The following CDK6 variants were observed in gnomAD, a reference collection of about 807,000 sequenced individuals.
The protein encoded by CDK6 is cyclin-dependent kinase 6.
A neutral mutation model predicts 37.1 loss-of-function variants in CDK6; 6 were observed. The ratio of observed to expected loss-of-function variants is 0.16; its 90% CI spans 0.09 to 0.32. The LOEUF is 0.32. CDK6 is among the 10% of genes least tolerant of loss of function. The probability of loss-of-function intolerance (pLI) is 1.00; values close to 1 mark genes in which losing one functional copy is unlikely to be tolerated. For missense variants in CDK6, 224 were observed against 418.9 expected, an observed-to-expected ratio of 0.53 and a Z score of 4.06; for synonymous variants, 160 against 161.3, an observed-to-expected ratio of 0.99 and a Z score of 0.06.
intron 3 of CDK6, among the ~76,000 whole-genome samples, chr7:92,773,991 C>T (rs1562961520): frequency 6.6e-6 from 1 of 152,224 alleles, no homozygotes; most frequent in South Asian, 2.1e-4. Context: ...AAAAGATCTA[C>T]GGGGAAGTTC....
At chr7:92,784,790 A>G (rs969428713) in intron 2 of CDK6, among the ~76,000 whole-genome samples, 6 of 152,196 alleles carry the variant, frequency 3.9e-5, no homozygotes, top group African/African-American at 1.4e-4. Flanking sequence ...TGTCTGATAC[A>G]TAGGTGTTCA....
chr7:92,816,889 C>A (rs891299405), intron 2 of CDK6, among the ~76,000 whole-genome samples: 1 of 151,788 alleles, frequency 6.6e-6, no homozygotes, highest in Non-Finnish European at 1.5e-5. Flanking sequence ...ACATATTCTA[C>A]AGACATTAAA....
chr7:92,671,470 A>G lies in CDK6; in HGVS notation c.603T>C (p.Asp201=), dbSNP rs2116602874. The G allele has an allele frequency of 1.3e-6, 2 of 1,583,804 alleles. No homozygotes were observed. Among genetic ancestry groups the G allele is most frequent in the African/African-American group, 1.4e-5 (1 of 73,228 alleles). The change falls in exon 5 of 8, where the codon GAT becomes GAC. Residue 201 remains aspartate (D), a synonymous_variant. Coordinates refer to ENST00000424848, the MANE Select transcript of CDK6 (RefSeq NM_001145306.2). ...LLQSSYATPV[D]LWSVGCIFAE... The stretch of plus-strand genomic sequence containing the variant: ...CAAATATGCAGCCAACACTCCAGAG[A>G]TCCACGGGGGTGGCGTAGCTGGACT...
At chr7:92,767,811 A>G (rs1048565064) in intron 3 of CDK6, among the ~76,000 whole-genome samples, 2 of 152,082 alleles carry the variant, frequency 1.3e-5, no homozygotes, top group African/African-American at 4.8e-5. Flanking sequence ...TGTGGAGAAA[A>G]TATTTCTTTG....
intron 4 of CDK6, among the ~76,000 whole-genome samples, chr7:92,697,628 C>T (rs1193904804): frequency 6.6e-6 from 1 of 152,150 alleles, no homozygotes; most frequent in African/African-American, 2.4e-5. Flanking sequence ...AGCCCTCTAC[C>T]ACTGCAGAGA....
intron 4 of CDK6, among the ~76,000 whole-genome samples, chr7:92,679,665 G>A (rs1337341929): frequency 6.6e-6 from 1 of 152,106 alleles, no homozygotes; most frequent in Non-Finnish European, 1.5e-5. Flanking sequence ...ATGGTTGTGT[G>A]AAGTGAAAAT....
chr7:92,828,726 T>C (rs989505838), intron 2 of CDK6, among the ~76,000 whole-genome samples: 47 of 152,174 alleles, frequency 3.1e-4, no homozygotes, highest in Admixed American at 1.3e-3. Context: ...TGTCCTTGAT[T>C]CCATAGAGAG....
At chr7:92,735,114 T>C (rs1262669261) in intron 3 of CDK6, among the ~76,000 whole-genome samples, 1 of 152,174 alleles carries the variant, frequency 6.6e-6, no homozygotes, top group African/African-American at 2.4e-5. Context: ...ACTACTTTAA[T>C]TTCATATGAT....
In CDK6 at chr7:92,833,390, G is replaced by GC; in HGVS notation, c.-68dup. 1 of 1,095,160 alleles carries GC rather than the reference G, an allele frequency of 9.1e-7. No homozygotes were observed. Among genetic ancestry groups the GC allele is most frequent in the Non-Finnish European group, 1.3e-6 (1 of 780,304 alleles). The allele number at this position is 1,095,160 out of a possible 1,614,324, so 67.8% of individuals were successfully genotyped here. A position where few individuals can be genotyped will look rare whatever the true frequency, so the allele number is the denominator to read the frequency against. ...GGGGGGTGCGCTCAACTAGCTGGCG[G>GC]CCGCCGCTCGCCTACTCCGGGGCTC... On this transcript the variant is annotated 5_prime_UTR_variant, in exon 2 of 8. Coordinates refer to ENST00000424848, the MANE Select transcript of CDK6 (RefSeq NM_001145306.2). The surrounding 1 kb of genome is among the most constrained non-coding windows in gnomAD (Gnocchi z 6.1).
At chr7:92,805,441 T>A in intron 2 of CDK6, among the ~76,000 whole-genome samples, 1 of 152,174 alleles carries the variant, frequency 6.6e-6, no homozygotes, top group East Asian at 1.9e-4. Context: ...AAAGCATGAT[T>A]TTCCCACCAA....
intron 2 of CDK6, among the ~76,000 whole-genome samples, chr7:92,784,872 A>G (rs746878906): frequency 6.6e-6 from 1 of 152,226 alleles, no homozygotes; most frequent in Non-Finnish European, 1.5e-5. Context: ...AAATAAAGTA[A>G]AAGTGAGGAT....
chr7:92,807,859 A>G (rs1800768168), intron 2 of CDK6, among the ~76,000 whole-genome samples: 1 of 152,190 alleles, frequency 6.6e-6, no homozygotes, highest in African/African-American at 2.4e-5. Flanking sequence ...ATCATTCATC[A>G]TAACTACCAT....
intron 2 of CDK6, among the ~76,000 whole-genome samples, chr7:92,780,638 G>A (rs1287820377): frequency 6.6e-6 from 1 of 151,716 alleles, no homozygotes. Context: ...GCAGGCGCCT[G>A]TAGTCCCAGC....
chr7:92,747,061 C>T (rs1028639498), intron 3 of CDK6, among the ~76,000 whole-genome samples: 4 of 152,134 alleles, frequency 2.6e-5, no homozygotes, highest in African/African-American at 9.7e-5. Flanking sequence ...TCAGAAGTTG[C>T]AGCCACAAGT....
chr7:92,687,984 A>G (rs1482616251), intron 4 of CDK6, among the ~76,000 whole-genome samples: 6 of 152,198 alleles, frequency 3.9e-5, no homozygotes, highest in African/African-American at 1.2e-4. Flanking sequence ...ATTGCTGTGT[A>G]GTATTCCATT....
At chr7:92,715,480 A>G (rs1017967496) in intron 4 of CDK6, among the ~76,000 whole-genome samples, 5 of 152,206 alleles carry the variant, frequency 3.3e-5, no homozygotes, top group African/African-American at 2.4e-5. Flanking sequence ...AGCCAACAGT[A>G]AAGTTCAACA....
At position 92,611,353 on chromosome 7, in the gene CDK6, C is replaced by T. The variant is rs1795558757; in HGVS notation, c.*3787G>A. 1 of 227,280 alleles carries T rather than the reference C, an allele frequency of 4.4e-6. No homozygotes were observed. The highest frequency in any genetic ancestry group is 6.4e-5 in the East Asian group (1 of 15,596). 14.1% of individuals were successfully genotyped at this position (227,280 alleles called of 1,614,324 possible). A position where few individuals can be genotyped will look rare whatever the true frequency, so the allele number is the denominator to read the frequency against. On this transcript the variant is annotated 3_prime_UTR_variant, in exon 8 of 8. Transcript: ENST00000424848. ...ATTATGGTGGCATATTCACTTTTAA[C>T]ATTATTTTTTCCTAGACTCAACTAT...
chr7:92,807,365 A>G (rs1356584346), intron 2 of CDK6, among the ~76,000 whole-genome samples: 4 of 151,982 alleles, frequency 2.6e-5, no homozygotes, highest in Non-Finnish European at 5.9e-5. Context: ...TTCTGTATCT[A>G]TATCTAGATA....
chr7:92,763,585 A>G (rs1799509012), intron 3 of CDK6, among the ~76,000 whole-genome samples: 2 of 152,250 alleles, frequency 1.3e-5, no homozygotes, highest in South Asian at 4.1e-4. Flanking sequence ...ATTTTTCAAT[A>G]GAACATTTTA....
Sources: gnomAD v4.1 joint callset for allele counts (sites outside exome capture counted in the v4.1 genomes callset) on GRCh38, gnomAD v4.1.1 for gene constraint, Gnocchi (gnomAD v3.1) non-coding constraint, MANE v1.5 for transcripts, NCBI Gene and HGNC (gene_info 2026-07-23, HGNC 2026-07-21) for gene names.